Variants in INCA1 observed in about 807,000 individuals in gnomAD.
INCA1 encodes inhibitor of CDK, cyclin A1 interacting protein 1, also known as protein INCA1.
INCA1 carries 28 observed loss-of-function variants against 25.7 expected under a neutral mutation model. The ratio of observed to expected loss-of-function variants is 1.09; its 90% CI spans 0.81 to 1.49. The LOEUF (loss-of-function observed/expected upper bound fraction) is 1.49, where lower values mean the gene tolerates loss of function less well. Ranked by LOEUF, INCA1 falls within the 40% of genes most tolerant of loss-of-function variation. INCA1 has a pLI of 0.00. For synonymous variants in INCA1, 111 were observed against 103.6 expected (o/e 1.07, Z -0.43); for missense variants, 309 against 290.9 (o/e 1.06, Z -0.45).
chr17:4,989,863 T>TTAAC, intron 4 of INCA1, 27 bp downstream of exon 4: 5 of 1,613,946 alleles, frequency 3.1e-6, no homozygotes, highest in Non-Finnish European at 4.2e-6. Context: ...AACAGAGAAA[T>TTAAC]GTTAAACGGC....
chr17:4,989,061 G>T, intron 5 of INCA1, 117 bp from the exon 6 acceptor site: 1 of 1,161,238 alleles, frequency 8.6e-7, no homozygotes, highest in Non-Finnish European at 1.2e-6. Flanking sequence ...GTTGTCATTT[G>T]ACCTTTAACC....
intron 2 of INCA1, among the ~76,000 whole-genome samples, chr17:4,991,629 T>C (rs886318630): frequency 2.0e-5 from 3 of 152,286 alleles, no homozygotes; most frequent in African/African-American, 4.8e-5. Context: ...CATCTCTTCT[T>C]AGGTGATCTC....
At chr17:4,995,244 T>G (rs187912412) in intron 1 of INCA1, among the ~76,000 whole-genome samples, 8 of 152,092 alleles carry the variant, frequency 5.3e-5, no homozygotes, top group Admixed American at 2.6e-4. Context: ...GACTGTTAAT[T>G]GAACATTTAG....
intron 2 of INCA1, among the ~76,000 whole-genome samples, chr17:4,990,545 G>C (rs1311723930): frequency 1.3e-5 from 2 of 152,076 alleles, no homozygotes; most frequent in Non-Finnish European, 2.9e-5. Context: ...GGCTTCCTGG[G>C]CCACATTGGA....
chr17:4,992,659 TC>T (rs1242553908), intron 2 of INCA1, among the ~76,000 whole-genome samples: 2 of 143,104 alleles, frequency 1.4e-5, no homozygotes, highest in Non-Finnish European at 3.1e-5. Flanking sequence ...TCCCCTCTTT[TC>T]CTTTTCTTTC....
chr17:4,996,379 T>C (rs1382057904), intron 1 of INCA1, among the ~76,000 whole-genome samples: 5 of 149,698 alleles, frequency 3.3e-5, no homozygotes, highest in Non-Finnish European at 5.9e-5. Context: ...GAGACCCTGT[T>C]TCTAAGAAGA....
In INCA1 at chr17:4,988,410, C is replaced by A. The variant is rs1973519975; in HGVS notation, c.706G>T (p.Glu236Ter). 5.0e-6 allele frequency: 8 copies of A among 1,600,982 alleles called. No individual in the cohort carries two copies. The highest frequency in any genetic ancestry group is 1.4e-5 in the African/African-American group (1 of 74,048). The change falls in exon 7 of 7, where the codon GAG becomes TAG. Residue 236 changes from glutamate (E) to a stop codon, truncating the protein, a stop_gained. Coordinates refer to ENST00000576820, the Ensembl canonical transcript of INCA1. LOFTEE classifies it high-confidence loss of function. ...TCGGCATCGGTGGTTTCTCCTTACT[C>A]TTCAGACGCTGCCAACTCCATCCCC...
At chr17:4,993,767 CTTTTTT>C (rs934109564) in intron 2 of INCA1, among the ~76,000 whole-genome samples, 2 of 97,322 alleles carry the variant, frequency 2.1e-5, no homozygotes. Flanking sequence ...CGTGCCTGGC[CTTTTTT>C]TTTTTTTTTT....
chr17:4,989,540 T>C (rs1396428908), exon 5 of INCA1: 2 of 1,614,090 alleles, frequency 1.2e-6, no homozygotes, highest in Non-Finnish European at 1.7e-6. Context: ...AAACATGGCC[T>C]CCTCTTCTTT....
chr17:4,990,500 A>T (rs1055105975), intron 2 of INCA1, among the ~76,000 whole-genome samples: 1 of 152,148 alleles, frequency 6.6e-6, no homozygotes, highest in Admixed American at 6.6e-5. Context: ...GATCTCACTG[A>T]GTTTAAGCTC....
chr17:4,989,908 C>G (rs142157953), exon 4 of INCA1: 5 of 1,614,086 alleles, frequency 3.1e-6, no homozygotes, highest in East Asian at 4.5e-5. Context: ...GTGGAATGTG[C>G]TGCTCCTCCA....
intron 2 of INCA1, among the ~76,000 whole-genome samples, chr17:4,990,782 C>T (rs953714565): frequency 1.3e-5 from 2 of 150,778 alleles, no homozygotes; most frequent in African/African-American, 4.9e-5. Context: ...ACTCGGGAGG[C>T]TGAGGCAGGA....
chr17:4,988,432 C>T (rs200346976), exon 7 of INCA1: 3 of 1,609,908 alleles, frequency 1.9e-6, no homozygotes, highest in African/African-American at 2.7e-5. Flanking sequence ...CCAACTCCAT[C>T]CCCCAGGGAT....
intron 2 of INCA1, among the ~76,000 whole-genome samples, chr17:4,992,942 C>G (rs1039819881): frequency 1.3e-5 from 2 of 152,098 alleles, no homozygotes; most frequent in African/African-American, 4.8e-5. Context: ...TGCAATGGCA[C>G]AGTCTCGGCT....
intron 2 of INCA1, among the ~76,000 whole-genome samples, chr17:4,992,736 G>A (rs1228242604): frequency 7.1e-6 from 1 of 140,514 alleles, no homozygotes; most frequent in Non-Finnish European, 1.5e-5. Context: ...TAGAGACAGG[G>A]ACTTGCTTTG....
chr17:4,993,491 C>G (rs910128134), intron 2 of INCA1, among the ~76,000 whole-genome samples: 1 of 151,078 alleles, frequency 6.6e-6, no homozygotes, highest in African/African-American at 2.4e-5. Flanking sequence ...TTTTTTGAGA[C>G]GGAGTCTCGC....
At chr17:4,989,287 C>G (rs113138586) in intron 5 of INCA1, 141 bp downstream of exon 5, 2 of 784,104 alleles carry the variant, frequency 2.6e-6, no homozygotes, top group African/African-American at 3.5e-5. Flanking sequence ...CACACCAAAG[C>G]CCACAGCTTC....
chr17:4,989,967 G>A, intron 3 of INCA1, 38 bp from the exon 4 acceptor site: 1 of 1,613,714 alleles, frequency 6.2e-7, no homozygotes, highest in African/African-American at 1.3e-5. Context: ...GTGCAGAGGG[G>A]ACATGTCCAT....
intron 1 of INCA1, among the ~76,000 whole-genome samples, chr17:4,996,658 C>T (rs1974294596): frequency 8.6e-6 from 1 of 116,190 alleles, no homozygotes; most frequent in Non-Finnish European, 1.7e-5. Context: ...CAGAGCAAGA[C>T]TCCGTCTCAA....
Sources: gnomAD v4.1 joint callset for allele counts (sites outside exome capture counted in the v4.1 genomes callset) on GRCh38, gnomAD v4.1.1 for gene constraint, MANE v1.5 for transcripts, NCBI Gene and HGNC (gene_info 2026-07-23, HGNC 2026-07-21) for gene names.